Variants in MAGI1 observed in about 807,000 individuals in gnomAD.
MAGI1 encodes the protein membrane associated guanylate kinase, WW and PDZ domain containing 1, also known as membrane-associated guanylate kinase, WW and PDZ domain-containing protein 1.
MAGI1 carries 58 observed loss-of-function variants against 139.9 expected under a neutral mutation model. The observed-to-expected ratio is 0.41, with a 90% CI of 0.34 to 0.52. MAGI1 has a LOEUF of 0.52. Ranked by LOEUF, MAGI1 falls within the 20% of genes least tolerant of loss-of-function variation. The pLI is 0.12. For synonymous variants in MAGI1, 812 were observed against 737.9 expected (o/e 1.10, Z -1.63); for missense variants, 1,874 against 1,901.6 (o/e 0.99, Z 0.27).
At chr3:65,646,054 C>A (rs1397809265) in intron 1 of MAGI1, among the ~76,000 whole-genome samples, 2 of 151,150 alleles carry the variant, frequency 1.3e-5, no homozygotes, top group African/African-American at 4.9e-5. Flanking sequence ...CTTAACATGT[C>A]CATAATTACA....
Position 65,611,093 on chromosome 3 carries a change from T to C in MAGI1, c.430+10879A>G, listed in dbSNP as rs185731082. 1.8e-3 allele frequency among the ~76,000 whole-genome samples: 254 copies of C among 137,774 alleles called. 2 individuals are homozygous for C. Among genetic ancestry groups the C allele is most frequent in the African/African-American group, 6.5e-3 (245 of 37,832 alleles). 90.4% of individuals were successfully genotyped at this position (137,774 alleles called of 152,430 possible). A position where few individuals can be genotyped will look rare whatever the true frequency, so the allele number is the denominator to read the frequency against. ...GTATAGTATATGTACTATATACATA[T>C]ATAATATATAGTATATTATATACGT... On this transcript the variant is annotated intron_variant, in intron 2 of 22. Coordinates refer to ENST00000402939, the MANE Select transcript of MAGI1 (RefSeq NM_001033057.2).
intron 6 of MAGI1, among the ~76,000 whole-genome samples, chr3:65,452,076 G>A (rs1225872323): frequency 1.3e-5 from 2 of 152,074 alleles, no homozygotes; most frequent in Non-Finnish European, 2.9e-5. Flanking sequence ...TACCAGAGCT[G>A]AATGAACCTG....
intron 8 of MAGI1, among the ~76,000 whole-genome samples, chr3:65,440,836 T>C (rs542444165): frequency 3.2e-4 from 24 of 73,914 alleles, no homozygotes; most frequent in African/African-American, 9.0e-4. Flanking sequence ...TGTATACATA[T>C]ACATATATAC....
intron 12 of MAGI1, among the ~76,000 whole-genome samples, chr3:65,402,530 G>C (rs1200236426): frequency 1.3e-5 from 2 of 152,174 alleles, no homozygotes; most frequent in African/African-American, 4.8e-5. Context: ...GCAGGAGTTA[G>C]AATGCAAAAT....
chr3:65,749,537 G>A (rs934626053), intron 1 of MAGI1, among the ~76,000 whole-genome samples: 3 of 151,960 alleles, frequency 2.0e-5, no homozygotes, highest in Non-Finnish European at 2.9e-5. Context: ...GATGGGAAGC[G>A]GATGAGGGAT....
chr3:65,357,118 G>T lies in MAGI1; in HGVS notation c.3649C>A (p.Arg1217Ser), dbSNP rs778839760. ...TGTGGACCGGTGGCGGGGCCGTGGC[G>T]GTCGCTGCTGGGGTCTGCCAGGAAA... ...SVPEYDPSSD[R>S]HGPATGPQGV... Residue 1217 changes from arginine (R) to serine (S), a missense_variant, in exon 23 of 23, where the codon CGC becomes AGC. By Grantham distance (110) the Arg-to-Ser change is moderately radical. This residue lies in a region of MAGI1 where 653 missense variants were observed against 644.5 expected (regional missense o/e 1.01). Transcript: ENST00000402939. 1.2e-6 allele frequency: 2 copies of T among 1,611,080 alleles called. No individual in the cohort carries two copies. Among genetic ancestry groups the T allele is most frequent in the Admixed American group, 1.7e-5 (1 of 59,938 alleles).
intron 1 of MAGI1, among the ~76,000 whole-genome samples, chr3:65,791,155 A>C (rs1335276006): frequency 6.6e-6 from 1 of 152,232 alleles, no homozygotes; most frequent in African/African-American, 2.4e-5. Flanking sequence ...GACACCCCAC[A>C]CAGCGCGTGC....
At chr3:65,851,779 A>G (rs1005498409) in intron 1 of MAGI1, among the ~76,000 whole-genome samples, 1 of 152,194 alleles carries the variant, frequency 6.6e-6, no homozygotes, top group Non-Finnish European at 1.5e-5. Context: ...TAACATGTAC[A>G]TACACATACA....
In MAGI1 at chr3:65,957,537, A is replaced by AG. The variant is rs1259604509; in HGVS notation, c.313+80458_313+80459insC. Among the ~76,000 whole-genome samples the AG allele has an allele frequency of 2.0e-5, 3 of 148,116 alleles. 1 individual carries two copies. Among genetic ancestry groups the AG allele is most frequent in the East Asian group, 4.2e-4 (2 of 4,802 alleles). On this transcript the variant is annotated intron_variant, in intron 1 of 22. Coordinates refer to ENST00000402939, the MANE Select transcript of MAGI1 (RefSeq NM_001033057.2). Reference sequence around the variant, plus strand: ...CTTCATCTCAAAAAAAAAAAAAAGAAAAAGAAAAGAAAAAGGAATGAACTA... The same window carrying AG: ...CTTCATCTCAAAAAAAAAAAAAAGAAGAAAGAAAAGAAAAAGGAATGAACTA...
In MAGI1 at chr3:65,973,540, G is replaced by A. The variant is rs747064431; in HGVS notation, c.313+64456C>T. On this transcript the variant is annotated intron_variant, in intron 1 of 22. Transcript: ENST00000402939. ...TCTCCTAGCCAAACTATGCACTCCC[G>A]AAGCATGGTACTGCATGTCACTACA... 6.6e-5 allele frequency among the ~76,000 whole-genome samples: 10 copies of A among 152,164 alleles called. No homozygotes were observed. The East Asian group carries it at 7.7e-4, about 12-fold the overall frequency.
At chr3:65,718,612 A>G (rs536636445) in intron 1 of MAGI1, 1 of 152,320 alleles carries the variant, frequency 6.6e-6, no homozygotes, top group South Asian at 2.1e-4. Context: ...CAGCCGAAGT[A>G]GCCTGTGATG....
chr3:65,425,538 A>G (rs1157019964), intron 12 of MAGI1, among the ~76,000 whole-genome samples: 2 of 152,216 alleles, frequency 1.3e-5, no homozygotes, highest in East Asian at 1.9e-4. Context: ...GATTAAAAAA[A>G]TAAGTGTCAG....
intron 22 of MAGI1, chr3:65,360,053 T>G: frequency 1.0e-6 from 1 of 985,150 alleles, no homozygotes; most frequent in East Asian, 1.1e-4. Context: ...ATACCCACCC[T>G]CCCCCTGTAC....
intron 2 of MAGI1, among the ~76,000 whole-genome samples, chr3:65,572,573 G>A (rs574175094): frequency 2.8e-4 from 43 of 152,164 alleles, no homozygotes; most frequent in African/African-American, 9.9e-4. Flanking sequence ...TGTCAAACAC[G>A]GAGACAGGAC....
chr3:65,532,604 A>G (rs2078764332), intron 2 of MAGI1: 2 of 152,330 alleles, frequency 1.3e-5, no homozygotes, highest in African/African-American at 2.4e-5. Flanking sequence ...CAGTGCAAAA[A>G]CAGCAGCCCA....
At chr3:65,681,006 G>A (rs1254363773) in intron 1 of MAGI1, among the ~76,000 whole-genome samples, 1 of 152,140 alleles carries the variant, frequency 6.6e-6, no homozygotes, top group South Asian at 2.1e-4. Context: ...TCTGGCAAAG[G>A]AGTTCTCCAT....
intron 1 of MAGI1, among the ~76,000 whole-genome samples, chr3:65,771,614 T>C (rs2037961192): frequency 6.6e-6 from 1 of 152,228 alleles, no homozygotes; most frequent in African/African-American, 2.4e-5. Flanking sequence ...TTAATAGTTA[T>C]TTGCTATTTA....
At chr3:65,419,221 T>TACACAC (rs71102854) in intron 12 of MAGI1, among the ~76,000 whole-genome samples, 8 of 86,272 alleles carry the variant, frequency 9.3e-5, no homozygotes, top group African/African-American at 2.7e-4. Flanking sequence ...AACACATTCA[T>TACACAC]ACACACACAC....
intron 2 of MAGI1, among the ~76,000 whole-genome samples, chr3:65,542,554 T>C (rs975730854): frequency 3.3e-5 from 5 of 151,952 alleles, no homozygotes; most frequent in African/African-American, 1.2e-4. Flanking sequence ...TACCAAAAGA[T>C]ACATAAACCA....
Sources: gnomAD v4.1 joint callset for allele counts (sites outside exome capture counted in the v4.1 genomes callset) on GRCh38, gnomAD v4.1.1 for gene constraint, gnomAD v4.1.1 regional missense constraint, MANE v1.5 for transcripts, NCBI Gene and HGNC (gene_info 2026-07-23, HGNC 2026-07-21) for gene names.